NAA35: variants seen among roughly 807,000 people sequenced by gnomAD.
The protein encoded by NAA35 is MAK10 homolog, amino-acid N-acetyltransferase subunit.
A neutral mutation model predicts 101.7 loss-of-function variants in NAA35; 18 were observed. The observed-to-expected ratio is 0.18, with a 90% CI of 0.12 to 0.26. NAA35 has a LOEUF of 0.26. NAA35 is among the 10% of genes least tolerant of loss of function. The pLI is 1.00. For missense variants in NAA35, 601 were observed against 886.8 expected (o/e 0.68, Z 4.09); for synonymous variants, 267 against 273.1 (o/e 0.98, Z 0.22).
At chr9:85,962,205 C>T (rs1399187013) in intron 6 of NAA35, 25 bp downstream of exon 6, 1 of 1,608,310 alleles carries the variant, frequency 6.2e-7, no homozygotes. Flanking sequence ...TGTAAGAAAT[C>T]CTTGGCCAGG....
intron 6 of NAA35, among the ~76,000 whole-genome samples, chr9:85,972,958 C>T (rs1208885581): frequency 6.6e-6 from 1 of 151,922 alleles, no homozygotes; most frequent in African/African-American, 2.4e-5. Context: ...TGATTAAGTG[C>T]CATGAAGAAA....
At chr9:85,959,657 C>G in intron 4 of NAA35, 136 bp from the exon 5 acceptor site, 1 of 551,272 alleles carries the variant, frequency 1.8e-6, no homozygotes, top group South Asian at 2.7e-5. Context: ...ATAGTTTTAT[C>G]AGATGATAAG....
At chr9:85,941,956 A>G in intron 1 of NAA35, 199 bp from the exon 2 acceptor site, 1 of 1,234,382 alleles carries the variant, frequency 8.1e-7, no homozygotes, top group Non-Finnish European at 1.0e-6. Flanking sequence ...GGCTAATAGT[A>G]AGCAGCAGGA....
At chr9:85,969,688 C>G (rs1035054561) in intron 6 of NAA35, among the ~76,000 whole-genome samples, 26 of 151,810 alleles carry the variant, frequency 1.7e-4, no homozygotes, top group South Asian at 8.3e-4. Context: ...ACAGCAAGAC[C>G]CCATCTACAA....
intron 11 of NAA35, among the ~76,000 whole-genome samples, chr9:85,982,955 G>A (rs1047414096): frequency 4.6e-5 from 7 of 152,170 alleles, no homozygotes; most frequent in African/African-American, 1.7e-4. Context: ...TTATACAGTG[G>A]ATCTCCTCAA....
chr9:86,007,089 CAGATT>C (rs1349543252), intron 13 of NAA35, among the ~76,000 whole-genome samples: 6 of 152,154 alleles, frequency 3.9e-5, no homozygotes, highest in Admixed American at 6.5e-5. Context: ...TTGACATAAT[CAGATT>C]AGTCAGTTTA....
At chr9:86,014,336 C>T (rs1393286383) in intron 17 of NAA35, 1 of 971,830 alleles carries the variant, frequency 1.0e-6, no homozygotes, top group African/African-American at 1.8e-5. Flanking sequence ...GGATTCACTT[C>T]AGGAGCTTTG....
In NAA35 at chr9:85,978,276, G is replaced by C. The variant is rs760165501; in HGVS notation, c.772G>C (p.Val258Leu). The C allele has an allele frequency of 6.2e-7, 1 of 1,608,314 alleles. No individual in the cohort carries two copies. Among genetic ancestry groups the C allele is most frequent in the East Asian group, 2.2e-5 (1 of 44,812 alleles). Residue 258 changes from valine to leucine, a missense_variant, in exon 11 of 23, where the codon GTT (valine) becomes CTT (leucine). Around this residue, in one of 8 missense-constraint regions of NAA35, gnomAD observed 190 missense variants for 223.1 expected, o/e 0.85. Coordinates refer to ENST00000361671, the MANE Select transcript of NAA35 (RefSeq NM_024635.4). ...GTGATTTATTTGCTAGACCAGTGCT[G>C]TTGCAGAAGCTCAAAAATTGATGGT... is the stretch of plus-strand genomic sequence containing the variant. ...IAFTKKETSA[V>L]AEAQKLMVQA...
rs768187404 is a variant in NAA35 at position 86,013,734 on chromosome 9, G to T, written c.1405G>T (p.Ala469Ser). 2 of 1,613,636 alleles carry T rather than the reference G, an allele frequency of 1.2e-6. No individual in the cohort carries two copies. Among genetic ancestry groups the T allele is most frequent in the African/African-American group, 2.7e-5 (2 of 75,050 alleles). The change falls in exon 17 of 23, where the codon GCA becomes TCA. Residue 469 changes from alanine to serine, a missense_variant. This residue lies in a region of NAA35 where 99 missense variants were observed against 206.7 expected (regional missense o/e 0.48). Transcript: ENST00000361671. ...ATTTTAATAGGCAGAGAAGGTTGAT[G>T]CAGCGCTTCACACCATGCTGTTGAA... ...TLQDEAEKVD[A>S]ALHTMLLKQE... is the part of the protein sequence containing the mutation.
intron 6 of NAA35, among the ~76,000 whole-genome samples, chr9:85,965,577 T>A (rs1439951602): frequency 6.6e-6 from 1 of 152,064 alleles, no homozygotes. Flanking sequence ...TGCAGTGAGC[T>A]GTGATTGTGC....
chr9:85,974,630 T>C (rs574956638), intron 6 of NAA35, among the ~76,000 whole-genome samples: 1 of 152,318 alleles, frequency 6.6e-6, no homozygotes, highest in Non-Finnish European at 1.5e-5. Context: ...ATATTTACTG[T>C]TCACCTGTGA....
intron 12 of NAA35, among the ~76,000 whole-genome samples, chr9:86,002,790 G>C (rs1293185260): frequency 6.6e-6 from 1 of 151,976 alleles, no homozygotes; most frequent in Non-Finnish European, 1.5e-5. Context: ...ATTGGGTTTT[G>C]CTATCCTCCT....
At chr9:85,942,031 G>C (rs1828542222) in intron 1 of NAA35, 124 bp from the exon 2 acceptor site, 3 of 1,424,948 alleles carry the variant, frequency 2.1e-6, no homozygotes, top group African/African-American at 1.4e-5. Flanking sequence ...CTTAGACTCA[G>C]AAGAGTTCTG....
At chr9:85,970,472 C>T (rs909522495) in intron 6 of NAA35, among the ~76,000 whole-genome samples, 1 of 152,004 alleles carries the variant, frequency 6.6e-6, no homozygotes, top group Admixed American at 6.6e-5. Flanking sequence ...AGAAACTTGG[C>T]GGATAGCACC....
intron 2 of NAA35, among the ~76,000 whole-genome samples, chr9:85,947,011 ATTTGT>A (rs1564283711): frequency 6.6e-6 from 1 of 152,110 alleles, no homozygotes; most frequent in Non-Finnish European, 1.5e-5. Flanking sequence ...CAATATATAT[ATTTGT>A]TTTAAGAATG....
At position 85,980,577 on chromosome 9, in the gene NAA35, C is replaced by T. The variant is rs373262453; in HGVS notation, c.877+2196C>T. The stretch of plus-strand genomic sequence containing the variant: ...TTCATACAGGCCTCTGTTACATTTT[C>T]TTGTACTTTGTATTTTAGTTTTTTA... On this transcript the variant is annotated intron_variant, in intron 11 of 22. Coordinates refer to ENST00000361671, the MANE Select transcript of NAA35 (RefSeq NM_024635.4). Among the ~76,000 whole-genome samples, 439 of 152,298 alleles carry T rather than the reference C, an allele frequency of 2.9e-3. 5 individuals carry two copies. The South Asian group carries it at 0.034, about 12-fold the overall frequency.
At chr9:85,976,641 A>G (rs758983612) in intron 8 of NAA35, 44 bp from the exon 9 acceptor site, 2 of 1,407,122 alleles carry the variant, frequency 1.4e-6, no homozygotes, top group South Asian at 2.6e-5. Flanking sequence ...GTAATGTAAT[A>G]TTTTTTCAGG....
intron 11 of NAA35, among the ~76,000 whole-genome samples, chr9:85,983,791 G>A (rs1162171605): frequency 1.3e-5 from 2 of 151,964 alleles, no homozygotes; most frequent in Non-Finnish European, 2.9e-5. Context: ...TTCTGCACAT[G>A]TATCCCAGAA....
chr9:86,021,186 C>T (rs1279259091), intron 22 of NAA35, among the ~76,000 whole-genome samples: 1 of 152,124 alleles, frequency 6.6e-6, no homozygotes, highest in African/African-American at 2.4e-5. Flanking sequence ...ATACGTTTTC[C>T]ATCTCCTTGC....
Sources: allele counts gnomAD v4.1 joint callset (sites outside exome capture counted in the v4.1 genomes callset), GRCh38; gene constraint gnomAD v4.1.1; regional missense constraint gnomAD v4.1.1; transcripts MANE v1.5; gene names NCBI Gene and HGNC (gene_info 2026-07-23, HGNC 2026-07-21).